The following NSUN5 variants were observed in gnomAD, a reference collection of about 807,000 sequenced individuals.
The protein encoded by NSUN5 is NOP2/Sun RNA methyltransferase 5.
In NSUN5, 39 loss-of-function variants were observed where a neutral mutation model predicts 51.1. The observed-to-expected ratio is 0.76, with a 90% CI of 0.59 to 1.00. NSUN5 has a LOEUF of 1.00. Among genes scored for constraint, NSUN5 ranks in the 50% least tolerant of loss-of-function variants. The probability of loss-of-function intolerance (pLI) is 0.00; values close to 1 mark genes in which losing one functional copy is unlikely to be tolerated. For missense variants in NSUN5, 526 were observed against 614.0 expected, an observed-to-expected ratio of 0.86 and a Z score of 1.51; for synonymous variants, 266 against 271.5, an observed-to-expected ratio of 0.98 and a Z score of 0.20.
Position 73,303,753 on chromosome 7 carries a change from C to G in NSUN5, c.1146-13G>C, listed in dbSNP as rs558140471. The G allele has an allele frequency of 1.2e-6, 2 of 1,613,976 alleles. No homozygotes were observed. Among genetic ancestry groups the G allele is most frequent in the African/African-American group, 1.3e-5 (1 of 75,058 alleles). On this transcript the variant is annotated splice_polypyrimidine_tract_variant and intron_variant, in intron 8 of 9. Transcript: ENST00000438747. ...GGCGGGAGCTAGCCTGCAAGAGAAA[C>G]GGCCCCAATGCTGGGTAAGAGAGCA...
Position 73,308,480 on chromosome 7 carries a change from C to G in NSUN5, c.167G>C (p.Ser56Thr). ...YSAVLDAVIA[S>T]AGLLRAEKKL... ...CTTCTCCGCACGGAGGAGGCCGGCG[C>G]TGGCGATCACAGCATCCAGCACGGC... Residue 56 changes from serine (S) to threonine (T), a missense_variant, in exon 2 of 10, where the codon AGC becomes ACC. Physicochemically the swap from Ser to Thr is moderately conservative, Grantham distance 58. Coordinates refer to ENST00000438747, the MANE Select transcript of NSUN5 (RefSeq NM_148956.4). The G allele has an allele frequency of 3.1e-6, 5 of 1,608,288 alleles. No homozygotes were observed. Among genetic ancestry groups the G allele is most frequent in the Non-Finnish European group, 4.2e-6 (5 of 1,176,852 alleles).
Position 73,307,685 on chromosome 7 carries a change from G to A in NSUN5, c.289C>T (p.Arg97Trp), listed in dbSNP as rs370837903. ...TCAGCCTTGAGCCTCGCCTGGTGCC[G>A]GCCCAACAGAGCCTTCCATCGGCCC... ...GGGRWKALLG[R>W]HQARLKAELA... Residue 97 changes from arginine to tryptophan, a missense_variant, in exon 3 of 10, where the codon CGG becomes TGG. Physicochemically the swap from Arg to Trp is moderately radical, Grantham distance 101. Coordinates refer to ENST00000438747, the MANE Select transcript of NSUN5 (RefSeq NM_148956.4). 3 of 1,611,156 alleles carry A rather than the reference G, an allele frequency of 1.9e-6. No homozygotes were observed. Among genetic ancestry groups the A allele is most frequent in the African/African-American group, 1.3e-5 (1 of 74,636 alleles).
rs782481637 is a variant in NSUN5, at chr7:73,308,747, T to C, written c.44A>G (p.Glu15Gly). The C allele has an allele frequency of 1.8e-4, 290 of 1,612,508 alleles. No homozygotes were observed. The highest frequency in any genetic ancestry group is 2.2e-4 in the Non-Finnish European group (261 of 1,179,808). ...CCCCTTGATAGAGCCCTGGCGGCTC[T>C]CCACGCCGGCCAACACGCCTGCAGC... The part of the protein sequence containing the change: ...AAAAGVLAGV[E>G]SRQGSIKGLV... The change falls in exon 1 of 10, where the codon GAG becomes GGG. Residue 15 changes from glutamate to glycine, a missense_variant. Physicochemically the swap from Glu to Gly is moderately conservative, Grantham distance 98. Transcript: ENST00000438747.
intron 4 of NSUN5, among the ~76,000 whole-genome samples, chr7:73,305,319 T>C (rs1227394661): frequency 6.6e-6 from 1 of 152,092 alleles, no homozygotes; most frequent in Non-Finnish European, 1.5e-5. Flanking sequence ...CCTGGGCAAA[T>C]GATTCAATCT....
Position 73,303,498 on chromosome 7 carries a change from C to G in NSUN5, c.1318G>C (p.Glu440Gln). Residue 440 changes from glutamate to glutamine, a missense_variant, in exon 10 of 10, where the codon GAA becomes CAA. Transcript: ENST00000438747. Reference protein sequence around the residue: ...SASQAKASAPERTPSPAPKRK... With the variant: ...SASQAKASAPQRTPSPAPKRK... ...TTTGGGGCTGGGCTGGGTGTGCGTT[C>G]TGGTGCTGATGCTTTGGCCTGTGAG... The G allele has an allele frequency of 6.2e-7, 1 of 1,614,062 alleles. No homozygotes were observed. Among genetic ancestry groups the G allele is most frequent in the East Asian group, 2.2e-5 (1 of 44,872 alleles).
At position 73,302,903 on chromosome 7, in the gene NSUN5, C is replaced by G; in HGVS notation, c.*512G>C. The G allele has an allele frequency of 9.6e-7, 1 of 1,043,696 alleles. No individual in the cohort carries two copies. The highest frequency in any genetic ancestry group is 3.5e-5 in the South Asian group (1 of 28,822). 64.7% of individuals were successfully genotyped at this position (1,043,696 alleles called of 1,614,324 possible). A position where few individuals can be genotyped will look rare whatever the true frequency, so the allele number is the denominator to read the frequency against. ...GCTGAGGAGGGAGTGAACCTCAAGCCTAAATACCTGTTAGGATTGGAGGGT... is the reference window on the plus strand; with the variant it reads ...GCTGAGGAGGGAGTGAACCTCAAGCGTAAATACCTGTTAGGATTGGAGGGT... On this transcript the variant is annotated 3_prime_UTR_variant, in exon 10 of 10. Coordinates refer to ENST00000438747, the MANE Select transcript of NSUN5 (RefSeq NM_148956.4).
Position 73,308,813 on chromosome 7 carries a change from C to T in NSUN5, c.-23G>A, listed in dbSNP as rs1804164568. 5 of 1,606,846 alleles carry T rather than the reference C, an allele frequency of 3.1e-6. No individual in the cohort carries two copies. Among genetic ancestry groups the T allele is most frequent in the Non-Finnish European group, 4.3e-6 (5 of 1,174,672 alleles). On this transcript the variant is annotated 5_prime_UTR_variant, in exon 1 of 10. Coordinates refer to ENST00000438747, the MANE Select transcript of NSUN5 (RefSeq NM_148956.4). Reference sequence around the variant, plus strand: ...CATGTTCCCGCGCGCCTTTACGGCTCTGTGGCAAAACGCACCCGGCTCGGC... The same window carrying T: ...CATGTTCCCGCGCGCCTTTACGGCTTTGTGGCAAAACGCACCCGGCTCGGC...
At chr7:73,303,799 C>T (rs1234822022) in intron 8 of NSUN5, 27 bp downstream of exon 8, 2 of 1,613,734 alleles carry the variant, frequency 1.2e-6, no homozygotes, top group Admixed American at 1.7e-5. Flanking sequence ...TCCCCCACTC[C>T]CCACGACCCT....
In NSUN5 at chr7:73,303,365, G is replaced by A; in HGVS notation, c.*50C>T. 1.9e-6 allele frequency: 3 copies of A among 1,613,996 alleles called. No individual in the cohort carries two copies. The highest frequency in any genetic ancestry group is 1.7e-6 in the Non-Finnish European group (2 of 1,179,884). Reference sequence around the variant, plus strand: ...GAGGGCCCAGGGTCCTCCACGGAGAGGACAGGCATCTTCCTTTCCCACCAG... The same window carrying A: ...GAGGGCCCAGGGTCCTCCACGGAGAAGACAGGCATCTTCCTTTCCCACCAG... On this transcript the variant is annotated 3_prime_UTR_variant, in exon 10 of 10. Coordinates refer to ENST00000438747, the MANE Select transcript of NSUN5 (RefSeq NM_148956.4).
In NSUN5 at chr7:73,308,683, G is replaced by A. The variant is rs1199345714; in HGVS notation, c.93+15C>T. On this transcript the variant is annotated intron_variant, in intron 1 of 9. Transcript: ENST00000438747. The stretch of plus-strand genomic sequence containing the variant: ...CTCACTCCCCACCCCTACTACTCGC[G>A]CCCAGGTCCGCTACCTGGAAGTTGC... 1.9e-6 allele frequency: 3 copies of A among 1,555,206 alleles called. No homozygotes were observed. The highest frequency in any genetic ancestry group is 2.6e-6 in the Non-Finnish European group (3 of 1,144,450).
chr7:73,308,376 G>C, intron 2 of NSUN5, 55 bp downstream of exon 2: 2 of 1,543,034 alleles, frequency 1.3e-6, no homozygotes, highest in South Asian at 2.4e-5. Flanking sequence ...GCTGAGACCA[G>C]ATGACAAAGC....
In NSUN5 at chr7:73,302,871, G is replaced by A. The variant is rs549075812; in HGVS notation, c.*544C>T. 3,491 of 1,019,738 alleles carry A rather than the reference G, an allele frequency of 3.4e-3. 87 individuals are homozygous for A. In the African/African-American group the frequency reaches 0.056, roughly 16 times the overall value. 63.2% of individuals were successfully genotyped at this position (1,019,738 alleles called of 1,614,324 possible). On this transcript the variant is annotated 3_prime_UTR_variant, in exon 10 of 10. Transcript: ENST00000438747. ...CTGATCCTCGTTAATACCTGGCTGCGTGTGCAGCTGAGGAGGGAGTGAACC... is the reference window on the plus strand; with the variant it reads ...CTGATCCTCGTTAATACCTGGCTGCATGTGCAGCTGAGGAGGGAGTGAACC...
At chr7:73,308,334 C>T in intron 2 of NSUN5, 97 bp downstream of exon 2, 1 of 1,448,044 alleles carries the variant, frequency 6.9e-7, no homozygotes, top group South Asian at 1.4e-5. Flanking sequence ...AGATGAGCGA[C>T]TTGCTCCAGT....
rs1803970967 is a variant in NSUN5 at position 73,304,849 on chromosome 7, G to T, written c.653C>A (p.Pro218Gln). ...LILQDRASCL[P>Q]AMLLDPPPGS... ...TGGCGGGGGGTCCAGCAGCATGGCT[G>T]GGAGACAGCTGGCCTGGCAGGCAGA... The change falls in exon 6 of 10, where the codon CCA becomes CAA. Residue 218 changes from proline (P) to glutamine (Q), a missense_variant. Physicochemically the swap from Pro to Gln is moderately conservative, Grantham distance 76. Transcript: ENST00000438747. 1.2e-6 allele frequency: 2 copies of T among 1,613,920 alleles called. No individual in the cohort carries two copies. The highest frequency in any genetic ancestry group is 1.7e-6 in the Non-Finnish European group (2 of 1,179,858).
In NSUN5 at chr7:73,303,614, C is replaced by CCGTT. The variant is rs782015832; in HGVS notation, c.1268_1271dup (p.Val425ThrfsTer50). 9.3e-6 allele frequency: 15 copies of CCGTT among 1,614,208 alleles called. No individual in the cohort carries two copies. The highest frequency in any genetic ancestry group is 8.5e-7 in the Non-Finnish European group (1 of 1,180,028). On this transcript the variant is annotated frameshift_variant, in exon 9 of 10. Coordinates refer to ENST00000438747, the MANE Select transcript of NSUN5 (RefSeq NM_148956.4). LOFTEE classifies it high-confidence loss of function. ...CACTCACTCACCTTGGCACCTCGACCCGTTCAATTACAGCAACGAAGAAGC... is the reference window on the plus strand; with the variant it reads ...CACTCACTCACCTTGGCACCTCGACCCGTTCGTTCAATTACAGCAACGAAGAAGC...
chr7:73,303,670 G>A lies in NSUN5; in HGVS notation c.1216C>T (p.Arg406Trp), dbSNP rs781921404. 2.5e-5 allele frequency: 40 copies of A among 1,614,070 alleles called. No individual in the cohort carries two copies. The highest frequency in any genetic ancestry group is 1.6e-4 in the Middle Eastern group (1 of 6,084). Residue 406 changes from arginine to tryptophan, a missense_variant, in exon 9 of 10, where the codon CGG becomes TGG. Transcript: ENST00000438747. Reference sequence around the variant, plus strand: ...CTGAGTGTGGTCTCAGGGGAGGCCCGGAGGCAGTGCTCGGCACCCGGGAAC... The same window carrying A: ...CTGAGTGTGGTCTCAGGGGAGGCCCAGAGGCAGTGCTCGGCACCCGGGAAC... ...STFPGAEHCL[R>W]ASPETTLSSG...
Position 73,303,721 on chromosome 7 carries a change from C to G in NSUN5, c.1165G>C (p.Ala389Pro), listed in dbSNP as rs147944881. The change falls in exon 9 of 10, where the codon GCC (alanine) becomes CCC (proline). Residue 389 changes from alanine (A) to proline (P), a missense_variant. By Grantham distance (27) the Ala-to-Pro change is conservative. Transcript: ENST00000438747. ...GAFRLAPALP[A>P]WPHRGLSTFP... The stretch of plus-strand genomic sequence containing the variant: ...GTGCTCAGGCCTCGGTGGGGCCAGG[C>G]AGGCAGGGCGGGAGCTAGCCTGCAA... The G allele has an allele frequency of 3.1e-6, 5 of 1,613,984 alleles. No homozygotes were observed. The highest frequency in any genetic ancestry group is 4.2e-6 in the Non-Finnish European group (5 of 1,180,000).
In NSUN5 at chr7:73,304,333, A is replaced by G. The variant is rs1164936324; in HGVS notation, c.831T>C (p.Ser277=). Residue 277 remains serine, a synonymous_variant, in exon 7 of 10, where the codon TCT becomes TCC. Transcript: ENST00000438747. ...AGTCCTCCTCAGCCAGTTCACAGCA[A>G]GAGACGCCAGCCCGGGCCAGCAGCG... ...MATLLARAGV[S]CCELAEEDFL... The G allele has an allele frequency of 8.7e-6, 14 of 1,614,182 alleles. No homozygotes were observed. The East Asian group carries it at 2.9e-4, about 33-fold the overall frequency.
In NSUN5 at chr7:73,308,466, G is replaced by T. The variant is rs147179514; in HGVS notation, c.181C>A (p.Arg61Ser). 3.1e-6 allele frequency: 5 copies of T among 1,607,382 alleles called. No individual in the cohort carries two copies. In the South Asian group the frequency reaches 3.3e-5, roughly 11 times the overall value. ...DAVIASAGLL[R>S]AEKKLRPHLA... The stretch of plus-strand genomic sequence containing the variant: ...TGCGGCCGCAGCTTCTTCTCCGCAC[G>T]GAGGAGGCCGGCGCTGGCGATCACA... Residue 61 changes from arginine (R) to serine (S), a missense_variant, in exon 2 of 10, where the codon CGT (arginine) becomes AGT (serine). Physicochemically the swap from Arg to Ser is moderately radical, Grantham distance 110. Coordinates refer to ENST00000438747, the MANE Select transcript of NSUN5 (RefSeq NM_148956.4).
Sources: allele counts gnomAD v4.1 joint callset (sites outside exome capture counted in the v4.1 genomes callset), GRCh38; gene constraint gnomAD v4.1.1; transcripts MANE v1.5; gene names NCBI Gene and HGNC (gene_info 2026-07-23, HGNC 2026-07-21).